ZNF654: variants seen among roughly 807,000 people sequenced by gnomAD.
ZNF654 encodes the protein melanoma-associated antigen.
ZNF654 carries 19 observed loss-of-function variants against 95.3 expected under a neutral mutation model. The ratio of observed to expected loss-of-function variants is 0.20; its 90% CI spans 0.14 to 0.29. The LOEUF is 0.29. Among genes scored for constraint, ZNF654 ranks in the 10% least tolerant of loss-of-function variants. The pLI is 1.00. For synonymous variants in ZNF654, 413 were observed against 457.9 expected (o/e 0.90, Z 1.25); for missense variants, 1,046 against 1,341.0 (o/e 0.78, Z 3.44).
intron 1 of ZNF654, among the ~76,000 whole-genome samples, chr3:88,083,894 C>T (rs1708204924): frequency 1.3e-5 from 2 of 150,492 alleles, no homozygotes; most frequent in African/African-American, 4.9e-5. Context: ...GCACTCACAG[C>T]ATAGGAGAAA....
intron 2 of ZNF654, among the ~76,000 whole-genome samples, chr3:88,088,454 ACAT>A (rs1559701282): frequency 2.0e-5 from 3 of 152,210 alleles, no homozygotes; most frequent in South Asian, 2.1e-4. Flanking sequence ...AACATTAAAA[ACAT>A]CAGTATCACG....
intron 3 of ZNF654, among the ~76,000 whole-genome samples, chr3:88,113,868 T>C (rs1450043357): frequency 6.6e-6 from 1 of 152,192 alleles, no homozygotes; most frequent in Non-Finnish European, 1.5e-5. Flanking sequence ...AGACAACCAG[T>C]ACTGCTGTAT....
intron 3 of ZNF654, among the ~76,000 whole-genome samples, chr3:88,114,724 A>G (rs1185252867): frequency 3.3e-5 from 5 of 152,160 alleles, no homozygotes; most frequent in Non-Finnish European, 5.9e-5. Context: ...ACCTAGAGAA[A>G]CATCCTTCAT....
chr3:88,092,424 A>C (rs1473199286), intron 2 of ZNF654, among the ~76,000 whole-genome samples: 1 of 152,160 alleles, frequency 6.6e-6, no homozygotes, highest in Non-Finnish European at 1.5e-5. Flanking sequence ...TACAGAATGC[A>C]ATGAGAGGGC....
chr3:88,091,287 G>C (rs1708618520), intron 2 of ZNF654, among the ~76,000 whole-genome samples: 2 of 152,048 alleles, frequency 1.3e-5, no homozygotes. Context: ...TGGCTACGTA[G>C]ACAAAAATAA....
At chr3:88,109,376 A>C (rs1683207740) in intron 2 of ZNF654, among the ~76,000 whole-genome samples, 1 of 152,160 alleles carries the variant, frequency 6.6e-6, no homozygotes, top group African/African-American at 2.4e-5. Flanking sequence ...AAGAGTTCTT[A>C]AAAGTTGAGT....
chr3:88,114,239 C>T (rs1194435239), intron 3 of ZNF654, among the ~76,000 whole-genome samples: 1 of 152,020 alleles, frequency 6.6e-6, no homozygotes, highest in African/African-American at 2.4e-5. Flanking sequence ...GGGGATAGTG[C>T]TGGCATGGTG....
At chr3:88,098,368 C>T (rs1704190698) in intron 2 of ZNF654, among the ~76,000 whole-genome samples, 1 of 152,108 alleles carries the variant, frequency 6.6e-6, no homozygotes, top group Admixed American at 6.6e-5. Context: ...GGGTCCAGGA[C>T]CAGATGGATT....
intron 2 of ZNF654, among the ~76,000 whole-genome samples, chr3:88,088,376 G>A (rs1708445255): frequency 6.6e-6 from 1 of 152,122 alleles, no homozygotes; most frequent in African/African-American, 2.4e-5. Context: ...AAGTGTTAAT[G>A]TTGAAAATAA....
At chr3:88,087,555 A>G (rs1383464662) in intron 2 of ZNF654, among the ~76,000 whole-genome samples, 2 of 152,240 alleles carry the variant, frequency 1.3e-5, no homozygotes, top group African/African-American at 4.8e-5. Flanking sequence ...CGATTTCTAC[A>G]GTTTTCTGGG....
intron 1 of ZNF654, among the ~76,000 whole-genome samples, chr3:88,076,837 T>G (rs1707830623): frequency 6.6e-6 from 1 of 152,188 alleles, no homozygotes; most frequent in Admixed American, 6.5e-5. Context: ...GACCTGCTAT[T>G]CATAAGAGGA....
At chr3:88,116,394 C>G (rs955916932) in intron 3 of ZNF654, among the ~76,000 whole-genome samples, 4 of 151,826 alleles carry the variant, frequency 2.6e-5, no homozygotes, top group African/African-American at 9.7e-5. Context: ...GCGGCTCATG[C>G]CTGTAATCCC....
chr3:88,141,656 A>G lies in ZNF654; in HGVS notation c.*4A>G. On this transcript the variant is annotated 3_prime_UTR_variant, in exon 9 of 9. Coordinates refer to ENST00000636215, the MANE Select transcript of ZNF654 (RefSeq NM_001350134.2). ...GTTCTGTTTTACAGGTGCCTGATGA[A>G]AACGGTTCAGAAAGATCTGTCAATC... The G allele has an allele frequency of 6.6e-7, 1 of 1,511,708 alleles. No homozygotes were observed. Among genetic ancestry groups the G allele is most frequent in the African/African-American group, 1.4e-5 (1 of 73,230 alleles). 93.6% of individuals were successfully genotyped at this position (1,511,708 alleles called of 1,614,324 possible).
intron 2 of ZNF654, among the ~76,000 whole-genome samples, chr3:88,112,782 C>A (rs1160391059): frequency 6.6e-6 from 1 of 151,982 alleles, no homozygotes; most frequent in East Asian, 1.9e-4. Flanking sequence ...ACTTTGGGTT[C>A]ATTTTAGATG....
intron 3 of ZNF654, among the ~76,000 whole-genome samples, chr3:88,120,980 T>C (rs1380766556): frequency 6.6e-6 from 1 of 152,070 alleles, no homozygotes; most frequent in Non-Finnish European, 1.5e-5. Flanking sequence ...AAGTACCTAA[T>C]GCATGTGGTG....
intron 2 of ZNF654, among the ~76,000 whole-genome samples, chr3:88,098,415 G>A (rs1356268028): frequency 1.3e-5 from 2 of 152,150 alleles, no homozygotes; most frequent in African/African-American, 4.8e-5. Flanking sequence ...AAGAGGAGCT[G>A]GTATCATTCG....
At chr3:88,113,083 A>G (rs1705192394) in intron 2 of ZNF654, 32 bp from the exon 3 acceptor site, 1 of 1,382,886 alleles carries the variant, frequency 7.2e-7, no homozygotes, top group Non-Finnish European at 9.8e-7. Flanking sequence ...AACTCAAAGA[A>G]GCAATGAAAG....
intron 2 of ZNF654, among the ~76,000 whole-genome samples, chr3:88,089,363 C>T (rs771230982): frequency 4.0e-5 from 6 of 151,710 alleles, no homozygotes; most frequent in African/African-American, 1.2e-4. Flanking sequence ...TGGTGGCAAG[C>T]GCCTGTAATC....
chr3:88,111,734 A>G (rs1010710574), intron 2 of ZNF654, among the ~76,000 whole-genome samples: 6 of 151,968 alleles, frequency 3.9e-5, no homozygotes, highest in Non-Finnish European at 7.4e-5. Flanking sequence ...GTCAAATGGT[A>G]TGTGTACATT....
Sources: allele counts gnomAD v4.1 joint callset (sites outside exome capture counted in the v4.1 genomes callset), GRCh38; gene constraint gnomAD v4.1.1; transcripts MANE v1.5; gene names NCBI Gene and HGNC (gene_info 2026-07-23, HGNC 2026-07-21).